TOX: variants seen among roughly 807,000 people sequenced by gnomAD.
The protein encoded by TOX is thymocyte selection associated high mobility group box.
Under a neutral mutation model 53.7 loss-of-function variants are expected in TOX, and 11 were observed. The observed-to-expected ratio is 0.20, with a 90% CI of 0.13 to 0.34. The LOEUF (loss-of-function observed/expected upper bound fraction) is 0.34. Among genes scored for constraint, TOX ranks in the 10% least tolerant of loss-of-function variants. The pLI is 1.00. For missense variants in TOX, 570 were observed against 664.6 expected, an observed-to-expected ratio of 0.86 and a Z score of 1.56; for synonymous variants, 225 against 245.3, an observed-to-expected ratio of 0.92 and a Z score of 0.77.
chr8:59,029,853 T>C (rs1814320772), intron 1 of TOX, among the ~76,000 whole-genome samples: 1 of 152,146 alleles, frequency 6.6e-6, no homozygotes, highest in Non-Finnish European at 1.5e-5. Context: ...ATGCAATTAA[T>C]TCAGATGTTC....
chr8:59,068,767 C>T (rs1238929966), intron 1 of TOX, among the ~76,000 whole-genome samples: 1 of 152,080 alleles, frequency 6.6e-6, no homozygotes, highest in African/African-American at 2.4e-5. Context: ...ATTGTGGAGC[C>T]TAGGTTTGTA....
intron 1 of TOX, among the ~76,000 whole-genome samples, chr8:59,073,315 T>C (rs983250521): frequency 6.6e-6 from 1 of 152,144 alleles, no homozygotes; most frequent in Non-Finnish European, 1.5e-5. Flanking sequence ...CCATAACCAT[T>C]GTAACTTATG....
intron 3 of TOX, among the ~76,000 whole-genome samples, chr8:58,875,332 T>G (rs1223097025): frequency 1.3e-5 from 2 of 152,228 alleles, no homozygotes; most frequent in Non-Finnish European, 2.9e-5. Context: ...AAACTCTTTT[T>G]AAGTCACTCA....
intron 3 of TOX, among the ~76,000 whole-genome samples, chr8:58,857,842 T>C (rs1810941267): frequency 6.6e-6 from 1 of 152,190 alleles, no homozygotes. Flanking sequence ...CGACATTGGC[T>C]CACTGCAACC....
intron 1 of TOX, among the ~76,000 whole-genome samples, chr8:59,075,278 T>C (rs79533692): frequency 0.056 from 8,490 of 152,136 alleles, 338 homozygotes; most frequent in Non-Finnish European, 0.088. Flanking sequence ...CTTGACATAG[T>C]GAATAGTCTA....
intron 1 of TOX, among the ~76,000 whole-genome samples, chr8:59,075,374 G>A (rs1045933919): frequency 1.3e-5 from 2 of 152,066 alleles, no homozygotes; most frequent in East Asian, 1.9e-4. Context: ...CACATGAGAG[G>A]TGCCCACTGT....
At chr8:59,111,352 C>T (rs1805014547) in intron 1 of TOX, among the ~76,000 whole-genome samples, 7 of 152,132 alleles carry the variant, frequency 4.6e-5, no homozygotes, top group Admixed American at 4.6e-4. Context: ...CTAAGATTCT[C>T]AACAGCATCT....
intron 3 of TOX, among the ~76,000 whole-genome samples, chr8:58,882,771 T>C (rs1811405009): frequency 6.6e-6 from 1 of 152,190 alleles, no homozygotes; most frequent in Non-Finnish European, 1.5e-5. Context: ...GCTTGACAAA[T>C]ACATGAGGGA....
chr8:59,044,477 G>A (rs1213015135), intron 1 of TOX, among the ~76,000 whole-genome samples: 3 of 152,102 alleles, frequency 2.0e-5, no homozygotes, highest in South Asian at 2.1e-4. Flanking sequence ...CACAGGCTAC[G>A]ATGATGCCTC....
At chr8:58,901,738 C>T (rs895610797) in intron 3 of TOX, among the ~76,000 whole-genome samples, 1 of 152,082 alleles carries the variant, frequency 6.6e-6, no homozygotes, top group Non-Finnish European at 1.5e-5. Context: ...AAATCTTCAG[C>T]ACAAATCAAA....
At chr8:58,824,145 A>G (rs570104150) in intron 6 of TOX, among the ~76,000 whole-genome samples, 1 of 152,298 alleles carries the variant, frequency 6.6e-6, no homozygotes, top group South Asian at 2.1e-4. Flanking sequence ...AGCATGGCCC[A>G]GCAGAAGACT....
chr8:58,812,279 G>C (rs1810093110), intron 7 of TOX, among the ~76,000 whole-genome samples: 1 of 152,088 alleles, frequency 6.6e-6, no homozygotes, highest in South Asian at 2.1e-4. Context: ...GTTCTCTGGG[G>C]ATACCAGTCC....
chr8:59,030,562 C>T (rs1004414909), intron 1 of TOX, among the ~76,000 whole-genome samples: 2 of 152,196 alleles, frequency 1.3e-5, no homozygotes, highest in African/African-American at 4.8e-5. Flanking sequence ...AACATTTACA[C>T]ATGGCCAGTT....
intron 4 of TOX, among the ~76,000 whole-genome samples, chr8:58,844,832 C>T (rs975379161): frequency 1.3e-5 from 2 of 152,024 alleles, no homozygotes; most frequent in Non-Finnish European, 2.9e-5. Flanking sequence ...ATAAATATTA[C>T]ACATAAGCTT....
intron 1 of TOX, among the ~76,000 whole-genome samples, chr8:59,084,171 C>T (rs1256334455): frequency 1.3e-5 from 2 of 152,034 alleles, no homozygotes; most frequent in Non-Finnish European, 2.9e-5. Context: ...AAAGTATATA[C>T]TTATTTTAAA....
intron 4 of TOX, among the ~76,000 whole-genome samples, chr8:58,850,790 T>C (rs865912805): frequency 1.3e-5 from 2 of 152,180 alleles, no homozygotes; most frequent in Non-Finnish European, 2.9e-5. Context: ...ACTGAAAAAA[T>C]TTAGCGAAGC....
At chr8:58,994,489 C>G (rs1331390922) in intron 1 of TOX, among the ~76,000 whole-genome samples, 1 of 151,532 alleles carries the variant, frequency 6.6e-6, no homozygotes, top group Non-Finnish European at 1.5e-5. Context: ...CTGTCGGAAA[C>G]TCCAAGTCCA....
At position 58,998,150 on chromosome 8, in the gene TOX, T is replaced by C. The variant is rs143037031; in HGVS notation, c.103-38142A>G. 2.1e-3 allele frequency among the ~76,000 whole-genome samples: 325 copies of C among 151,906 alleles called. 2 individuals carry two copies. The highest frequency in any genetic ancestry group is 7.6e-3 in the African/African-American group (314 of 41,388). On this transcript the variant is annotated intron_variant, in intron 1 of 8. Transcript: ENST00000361421. Reference sequence around the variant, plus strand: ...TTAATGTCAGATAATCAGTGGTGAGTATATGCATATTTAATATGAGAAAGA... The same window carrying C: ...TTAATGTCAGATAATCAGTGGTGAGCATATGCATATTTAATATGAGAAAGA...
At chr8:58,885,449 T>C in intron 3 of TOX, among the ~76,000 whole-genome samples, 1 of 152,148 alleles carries the variant, frequency 6.6e-6, no homozygotes, top group East Asian at 1.9e-4. Context: ...TACCTCTTGC[T>C]ATGTGTCACC....
Sources: gnomAD v4.1 joint callset for allele counts (sites outside exome capture counted in the v4.1 genomes callset) on GRCh38, gnomAD v4.1.1 for gene constraint, MANE v1.5 for transcripts, NCBI Gene and HGNC (gene_info 2026-07-23, HGNC 2026-07-21) for gene names.